The following HPSE2 variants were observed in gnomAD, a reference collection of about 807,000 sequenced individuals.
HPSE2 encodes inactive heparanase-2.
A neutral mutation model predicts 60.5 loss-of-function variants in HPSE2; 38 were observed. That is an observed-to-expected ratio of 0.63 (90% CI 0.48 to 0.82). HPSE2 has a LOEUF of 0.82. Among genes scored for constraint, HPSE2 ranks in the 40% least tolerant of loss-of-function variants. The pLI is 0.00. For synonymous variants in HPSE2, 295 were observed against 293.2 expected (o/e 1.01, Z -0.06); for missense variants, 713 against 740.4 (o/e 0.96, Z 0.43).
intron 7 of HPSE2, among the ~76,000 whole-genome samples, chr10:98,640,866 C>T (rs1025579755): frequency 2.0e-5 from 3 of 152,092 alleles, no homozygotes; most frequent in African/African-American, 7.2e-5. Context: ...TGGAAAATCA[C>T]TTGACAGATG....
intron 3 of HPSE2, among the ~76,000 whole-genome samples, chr10:98,825,523 T>C (rs559690363): frequency 5.9e-5 from 9 of 151,396 alleles, no homozygotes; most frequent in African/African-American, 1.5e-4. Flanking sequence ...CTGAAGCCAA[T>C]TCCTTTTCCT....
chr10:98,606,768 T>C (rs1210689629), intron 9 of HPSE2, among the ~76,000 whole-genome samples: 1 of 152,214 alleles, frequency 6.6e-6, no homozygotes, highest in Non-Finnish European at 1.5e-5. Flanking sequence ...GAATTTATTT[T>C]TATTTGTTCT....
intron 7 of HPSE2, among the ~76,000 whole-genome samples, chr10:98,626,239 C>CA (rs1248768044): frequency 6.6e-6 from 1 of 151,926 alleles, no homozygotes; most frequent in African/African-American, 2.4e-5. Flanking sequence ...AATTTGTTTG[C>CA]AAAGCAAAAA....
intron 6 of HPSE2, among the ~76,000 whole-genome samples, chr10:98,659,514 G>A (rs887305674): frequency 1.3e-5 from 2 of 152,064 alleles, no homozygotes; most frequent in African/African-American, 2.4e-5. Flanking sequence ...TTCTTTTTAT[G>A]GCAGAATAAC....
At chr10:98,737,811 CAAGGAAATAAGAG>C (rs1355994490) in intron 4 of HPSE2, among the ~76,000 whole-genome samples, 5 of 152,026 alleles carry the variant, frequency 3.3e-5, no homozygotes, top group African/African-American at 1.2e-4. Context: ...AACCATTGCT[CAAGGAAATAAGAG>C]AGGACACAAA....
intron 5 of HPSE2, among the ~76,000 whole-genome samples, chr10:98,715,546 G>A (rs1186529063): frequency 6.6e-6 from 1 of 151,842 alleles, no homozygotes; most frequent in Non-Finnish European, 1.5e-5. Context: ...GCATACCACA[G>A]AGGTATTGCA....
At chr10:99,123,986 G>A (rs535206924) in intron 3 of HPSE2, among the ~76,000 whole-genome samples, 1 of 152,304 alleles carries the variant, frequency 6.6e-6, no homozygotes, top group East Asian at 1.9e-4. Context: ...GAGACCCAGA[G>A]TGGGTAGCTC....
At chr10:99,255,271 T>C in the HPSE2 span, among the ~76,000 whole-genome samples, 1 of 152,206 alleles carries the variant, frequency 6.6e-6, no homozygotes, top group Admixed American at 6.5e-5. Context: ...ACGTGATTAC[T>C]GGTGAATTCT....
At chr10:99,282,856 T>C in the HPSE2 span, among the ~76,000 whole-genome samples, 133,334 of 152,142 alleles carry the variant, frequency 0.88, 58,615 homozygotes, top group African/African-American at 0.94. Context: ...GCAGCAAAAG[T>C]GAAAGGGAAA....
At chr10:98,765,610 C>T (rs1207709846) in intron 3 of HPSE2, among the ~76,000 whole-genome samples, 10 of 151,934 alleles carry the variant, frequency 6.6e-5, no homozygotes, top group Non-Finnish European at 1.2e-4. Flanking sequence ...GAGGCCGAGA[C>T]GGGTGGATCA....
At chr10:99,223,610 T>C (rs1407049574) in intron 2 of HPSE2, among the ~76,000 whole-genome samples, 1 of 152,208 alleles carries the variant, frequency 6.6e-6, no homozygotes, top group Non-Finnish European at 1.5e-5. Context: ...ATATTTAGGT[T>C]TGTAAATAAC....
chr10:99,221,912 C>T (rs916167787), intron 2 of HPSE2, among the ~76,000 whole-genome samples: 6 of 152,012 alleles, frequency 3.9e-5, no homozygotes, highest in African/African-American at 1.4e-4. Flanking sequence ...TAGGCAGTGA[C>T]AGGAGGAAAG....
chr10:98,709,361 AG>A (rs1948623636), intron 5 of HPSE2, among the ~76,000 whole-genome samples: 2 of 152,294 alleles, frequency 1.3e-5, no homozygotes, highest in Non-Finnish European at 1.5e-5. Context: ...AGGTCTATGA[AG>A]GTACAAGTTA....
chr10:98,809,379 T>C (rs887948175), intron 3 of HPSE2, among the ~76,000 whole-genome samples: 4 of 152,090 alleles, frequency 2.6e-5, no homozygotes, highest in Non-Finnish European at 5.9e-5. Context: ...ACTATTAATA[T>C]AATGTAACTA....
chr10:99,165,543 A>ATTTATTTATTTAT (rs1311633391), intron 2 of HPSE2, among the ~76,000 whole-genome samples: 1 of 149,206 alleles, frequency 6.7e-6, no homozygotes, highest in African/African-American at 2.5e-5. Flanking sequence ...TTATTTATTT[A>ATTTATTTATTTAT]TTTATTTATT....
At chr10:99,185,522 T>C (rs997780810) in intron 2 of HPSE2, among the ~76,000 whole-genome samples, 4 of 151,756 alleles carry the variant, frequency 2.6e-5, no homozygotes, top group Non-Finnish European at 4.4e-5. Context: ...TGCCTGTAAT[T>C]CCAGCATTTT....
chr10:99,108,590 T>C (rs912655487), intron 3 of HPSE2, among the ~76,000 whole-genome samples: 2 of 148,798 alleles, frequency 1.3e-5, no homozygotes, highest in Admixed American at 1.3e-4. Context: ...CTGCCTAAAG[T>C]TTATTCATTA....
chr10:99,223,358 T>A (rs1251151728), intron 2 of HPSE2, among the ~76,000 whole-genome samples: 1 of 152,200 alleles, frequency 6.6e-6, no homozygotes, highest in African/African-American at 2.4e-5. Flanking sequence ...ATTACTATTA[T>A]TGGGCTGCAG....
intron 11 of HPSE2, among the ~76,000 whole-genome samples, chr10:98,460,569 C>T (rs1940245170): frequency 6.6e-6 from 1 of 152,120 alleles, no homozygotes; most frequent in African/African-American, 2.4e-5. Flanking sequence ...GCCAAGATTA[C>T]ACCACTATAC....
Sources: gnomAD v4.1 joint callset for allele counts (sites outside exome capture counted in the v4.1 genomes callset) on GRCh38, gnomAD v4.1.1 for gene constraint, MANE v1.5 for transcripts, NCBI Gene and HGNC (gene_info 2026-07-23, HGNC 2026-07-21) for gene names.